TUT1: variants seen among roughly 807,000 people sequenced by gnomAD.
TUT1 encodes speckle targeted PIP5K1A-regulated poly(A) polymerase.
TUT1 carries 26 observed loss-of-function variants against 48.8 expected under a neutral mutation model. The ratio of observed to expected loss-of-function variants is 0.53; its 90% CI spans 0.39 to 0.74. The LOEUF (loss-of-function observed/expected upper bound fraction) is 0.74, where lower values mean the gene tolerates loss of function less well. TUT1 is among the 30% of genes least tolerant of loss of function. The pLI is 0.00. For synonymous variants in TUT1, 470 were observed against 460.8 expected, an observed-to-expected ratio of 1.02 and a Z score of -0.26; for missense variants, 1,065 against 1,114.8, an observed-to-expected ratio of 0.96 and a Z score of 0.64.
intron 2 of TUT1, among the ~76,000 whole-genome samples, chr11:62,587,941 C>G (rs1459914231): frequency 6.6e-6 from 1 of 152,330 alleles, no homozygotes; most frequent in Non-Finnish European, 1.5e-5. Context: ...AACCAAACAA[C>G]CTTAGTACCC....
chr11:62,583,453 T>C (rs1285477876), intron 2 of TUT1, among the ~76,000 whole-genome samples: 2 of 151,778 alleles, frequency 1.3e-5, no homozygotes, highest in Non-Finnish European at 2.9e-5. Context: ...CCACTAAAAA[T>C]ACAAAATTAG....
rs370051675 is a variant in TUT1, at chr11:62,581,257, G to T, written c.590-51C>A. The T allele has an allele frequency of 8.2e-6, 13 of 1,591,596 alleles. No homozygotes were observed. In the African/African-American group the frequency reaches 9.4e-5, roughly 12 times the overall value. ...TCAAGAGAAGTTAGGGAGGAGCAGG[G>T]GGAAGAACAAAACAGAGCACAAAGA... On this transcript the variant is annotated intron_variant, in intron 3 of 8. Transcript: ENST00000476907.
rs1941816830 is a variant in TUT1, at chr11:62,581,107, T to C, written c.689A>G (p.Gln230Arg). ...TGCCTCCCTGGGACACTCACTCACC[T>C]GGGGCTCTTCCAAGTCACCCAGATC... ...FLDLGDLEEPQPVPKAPESPS... is the reference protein window; with the variant it reads ...FLDLGDLEEPRPVPKAPESPS... Residue 230 changes from glutamine to arginine, a missense_variant and splice_region_variant, in exon 4 of 9, where the codon CAG becomes CGG. Gln to Arg is a conservative substitution (Grantham distance 43, BLOSUM62 1). Coordinates refer to ENST00000476907, the MANE Select transcript of TUT1 (RefSeq NM_022830.3). 2 of 1,613,522 alleles carry C rather than the reference T, an allele frequency of 1.2e-6. No homozygotes were observed. Among genetic ancestry groups the C allele is most frequent in the Non-Finnish European group, 1.7e-6 (2 of 1,179,608 alleles).
chr11:62,575,397 C>T lies in TUT1; in HGVS notation c.2322G>A (p.Val774=). Residue 774 remains valine, a synonymous_variant, in exon 9 of 9, where the codon GTG becomes GTA. Transcript: ENST00000476907. ...TACGGGCTCGCCGCCGCCCTTGCCA[C>T]ACTCGGTGCCACAAGGCACAGCGCC... The part of the protein sequence containing the change: ...ASWRCALWHR[V]WQGRRRARRR... 6.2e-7 allele frequency: 1 copy of T among 1,612,308 alleles called. No homozygotes were observed. Among genetic ancestry groups the T allele is most frequent in the South Asian group, 1.1e-5 (1 of 91,078 alleles).
Position 62,579,527 on chromosome 11 carries a change from A to AGT in TUT1, c.691-499_691-498dup, listed in dbSNP as rs199896441. The stretch of plus-strand genomic sequence containing the variant: ...GATGATTCAGAAAATATAAATAGAG[A>AGT]GTGTGTGTGTGTAGAGAAAGATAAA... On this transcript the variant is annotated intron_variant, in intron 4 of 8. Coordinates refer to ENST00000476907, the MANE Select transcript of TUT1 (RefSeq NM_022830.3). Among the ~76,000 whole-genome samples the AGT allele has an allele frequency of 3.3e-5, 5 of 151,796 alleles. No homozygotes were observed. In the South Asian group the frequency reaches 8.3e-4, roughly 25 times the overall value.
At chr11:62,579,662 C>A (rs1941793153) in intron 4 of TUT1, among the ~76,000 whole-genome samples, 2 of 147,460 alleles carry the variant, frequency 1.4e-5, no homozygotes, top group Non-Finnish European at 1.5e-5. Flanking sequence ...AAATAAAGTC[C>A]ATTTTTTTTT....
intron 5 of TUT1, 121 bp from the exon 6 acceptor site, chr11:62,577,412 A>T (rs1227920169): frequency 1.3e-6 from 1 of 755,330 alleles, no homozygotes. Flanking sequence ...CAGTTTCCCC[A>T]AATGTTGCTC....
intron 2 of TUT1, among the ~76,000 whole-genome samples, chr11:62,588,424 C>T (rs768464855): frequency 6.6e-5 from 10 of 152,076 alleles, no homozygotes; most frequent in South Asian, 6.2e-4. Flanking sequence ...CATGGGGGCA[C>T]GCGCCTGTAA....
intron 2 of TUT1, among the ~76,000 whole-genome samples, chr11:62,585,519 G>A (rs564197988): frequency 1.3e-5 from 2 of 151,050 alleles, no homozygotes; most frequent in African/African-American, 4.8e-5. Flanking sequence ...CATCAGGGAG[G>A]GCAGGACTGG....
At chr11:62,586,209 T>C (rs1272718388) in intron 2 of TUT1, among the ~76,000 whole-genome samples, 1 of 152,256 alleles carries the variant, frequency 6.6e-6, no homozygotes, top group Non-Finnish European at 1.5e-5. Flanking sequence ...TACTATTTGT[T>C]GAGGGCTTAT....
chr11:62,583,331 G>C (rs1047564479), intron 2 of TUT1, among the ~76,000 whole-genome samples: 1 of 151,876 alleles, frequency 6.6e-6, no homozygotes, highest in Non-Finnish European at 1.5e-5. Context: ...GAGGAAAAAC[G>C]CCGGGCGCAG....
At chr11:62,581,029 A>G (rs1369589960) in intron 4 of TUT1, 77 bp downstream of exon 4, 5 of 1,064,260 alleles carry the variant, frequency 4.7e-6, no homozygotes, top group East Asian at 2.4e-5. Flanking sequence ...AGACATGGAG[A>G]GCTAAAGGAC....
rs772189149 is a variant in TUT1 at position 62,581,573 on chromosome 11, C to T, written c.402G>A (p.Pro134=). The T allele has an allele frequency of 1.7e-5, 27 of 1,610,932 alleles. No individual in the cohort carries two copies. The Admixed American group carries it at 2.0e-4, about 12-fold the overall frequency. ...CCGCTCCTTTGGGGGATTTGGAGGC[C>T]GGGCTCTGGAACTCCTTCTGCTCCC... ...RPREQKEFQS[P]ASKSPKGAAP... The change falls in exon 3 of 9, where the codon CCG becomes CCA. Residue 134 remains proline, a synonymous_variant. Transcript: ENST00000476907.
intron 2 of TUT1, among the ~76,000 whole-genome samples, chr11:62,584,979 G>A (rs1365361534): frequency 1.3e-4 from 19 of 150,606 alleles, no homozygotes; most frequent in South Asian, 2.1e-4. Flanking sequence ...CTGCCACTAC[G>A]CCCAGCTAAT....
chr11:62,581,309 G>T, intron 3 of TUT1, 77 bp downstream of exon 3: 2 of 1,557,248 alleles, frequency 1.3e-6, no homozygotes, highest in Non-Finnish European at 8.8e-7. Flanking sequence ...CACCTCTAGC[G>T]GAGGAAGGAC....
chr11:62,582,511 A>G, intron 2 of TUT1: 1 of 430,702 alleles, frequency 2.3e-6, no homozygotes, highest in East Asian at 7.4e-5. Context: ...TAAGAGCATC[A>G]CTTGGGCCCA....
intron 4 of TUT1, among the ~76,000 whole-genome samples, chr11:62,579,888 A>G (rs1051717277): frequency 3.5e-5 from 4 of 115,790 alleles, no homozygotes; most frequent in Non-Finnish European, 7.0e-5. Flanking sequence ...CTGGTCTCAA[A>G]CTCCTGACCT....
Position 62,591,468 on chromosome 11 carries a change from C to G in TUT1, c.18G>C (p.Ser6=). The change falls in exon 1 of 9, where the codon TCG becomes TCC. Residue 6 remains serine (S), a synonymous_variant. Transcript: ENST00000476907. MAAVD[S]DVESLPRGGF... ...CCCCACGCGGCAGCGATTCGACATC[C>G]GAATCCACCGCCGCCATAGCGACTC... 1 of 1,611,448 alleles carries G rather than the reference C, an allele frequency of 6.2e-7. No individual in the cohort carries two copies.
rs1245887270 is a variant in TUT1 at position 62,581,476 on chromosome 11, C to G, written c.499G>C (p.Val167Leu). The change falls in exon 3 of 9, where the codon GTG (valine) becomes CTG (leucine). Residue 167 changes from valine to leucine, a missense_variant. Coordinates refer to ENST00000476907, the MANE Select transcript of TUT1 (RefSeq NM_022830.3). ...GCCTCGGACAACTCCCTCAGCCCCACAAGCTTTATCATTTGTGCCCCCACG... is the reference window on the plus strand; with the variant it reads ...GCCTCGGACAACTCCCTCAGCCCCAGAAGCTTTATCATTTGTGCCCCCACG... ...ADVGAQMIKL[V>L]GLRELSEAER... is the part of the protein sequence containing the mutation. 1 of 1,614,204 alleles carries G rather than the reference C, an allele frequency of 6.2e-7. No homozygotes were observed. The highest frequency in any genetic ancestry group is 8.5e-7 in the Non-Finnish European group (1 of 1,180,038).
Sources: allele counts gnomAD v4.1 joint callset (sites outside exome capture counted in the v4.1 genomes callset), GRCh38; gene constraint gnomAD v4.1.1; transcripts MANE v1.5; gene names NCBI Gene and HGNC (gene_info 2026-07-23, HGNC 2026-07-21).